The following CDH15 variants were observed in gnomAD, a reference collection of about 807,000 sequenced individuals.
CDH15 encodes cadherin 15.
A neutral mutation model predicts 69.4 loss-of-function variants in CDH15; 73 were observed. That is an observed-to-expected ratio of 1.05 (90% confidence interval 0.87 to 1.28). The LOEUF is 1.28. Ranked by LOEUF, CDH15 falls within the 50% of genes most tolerant of loss-of-function variation. CDH15 has a pLI of 0.00. For missense variants in CDH15, 1,343 were observed against 1,133.6 expected (o/e 1.18, Z -2.65); for synonymous variants, 624 against 507.7 (o/e 1.23, Z -3.08).
chr16:89,192,499 C>A, intron 11 of CDH15, 55 bp downstream of exon 11: 1 of 1,544,660 alleles, frequency 6.5e-7, no homozygotes, highest in South Asian at 1.2e-5. Context: ...CCCTCCTCCC[C>A]AGGCCGTCCC....
chr16:89,177,485 A>G (rs79341274), intron 1 of CDH15, among the ~76,000 whole-genome samples: 7,113 of 151,932 alleles, frequency 0.047, 291 homozygotes, highest in East Asian at 0.17. Context: ...TCCAGGGAGG[A>G]GGGTCACCCG....
In CDH15 at chr16:89,195,196, G is replaced by C. The variant is rs1915776424; in HGVS notation, c.*41G>C. 3.3e-6 allele frequency: 5 copies of C among 1,525,852 alleles called. No homozygotes were observed. The highest frequency in any genetic ancestry group is 4.4e-6 in the Non-Finnish European group (5 of 1,139,018). 94.5% of individuals were successfully genotyped at this position (1,525,852 alleles called of 1,614,324 possible). ...GGACATGCCACTCCCCGGCCTCGTG[G>C]CAGTGATGGCCCCTGCAGAGGCAGC... is the stretch of plus-strand genomic sequence containing the variant. On this transcript the variant is annotated 3_prime_UTR_variant, in exon 14 of 14. Transcript: ENST00000289746.
At chr16:89,189,139 G>GCACACACAGATGCC (rs1270747089) in intron 7 of CDH15, among the ~76,000 whole-genome samples, 61 of 118,058 alleles carry the variant, frequency 5.2e-4, no homozygotes, top group African/African-American at 1.9e-3. Context: ...AAAGATGCCG[G>GCACACACAGATGCC]CACACACAGA....
In CDH15 at chr16:89,192,795, C is replaced by G. The variant is rs191627741; in HGVS notation, c.1855+351C>G. 4.8e-4 allele frequency among the ~76,000 whole-genome samples: 6 copies of G among 12,542 alleles called. 2 individuals are homozygous for G. Among genetic ancestry groups the G allele is most frequent in the East Asian group, 7.7e-3 (1 of 130 alleles). The allele number at this position is 12,542 out of a possible 152,430, so 8.2% of individuals were successfully genotyped here. On this transcript the variant is annotated intron_variant, in intron 11 of 13. Coordinates refer to ENST00000289746, the MANE Select transcript of CDH15 (RefSeq NM_004933.3). ...TCCGCCTCCTCCCTAACCCCGCCCC[C>G]TCATTACCAGCCTCGCCGCTTCCTC...
intron 6 of CDH15, 127 bp from the exon 7 acceptor site, chr16:89,187,973 G>C: frequency 1.2e-6 from 1 of 866,798 alleles, no homozygotes; most frequent in Non-Finnish European, 1.8e-6. Flanking sequence ...ACAGGAGCAA[G>C]GGAGGGTGTT....
rs577570693 is a variant in CDH15, at chr16:89,192,395, C to G, written c.1806C>G (p.Leu602=). 2.5e-5 allele frequency: 38 copies of G among 1,539,596 alleles called. 1 individual carries two copies. The South Asian group carries it at 4.5e-4, about 18-fold the overall frequency. The stretch of plus-strand genomic sequence containing the variant: ...CGCTGCTGGCGGGGGGCACAGGCCT[C>G]AGCCTGGGCGCACTGGTCATCGTGC... ...AAALLAGGTG[L]SLGALVIVLA... is the part of the protein sequence containing the mutation. The change falls in exon 11 of 14, where the codon CTC becomes CTG. Residue 602 remains leucine, a synonymous_variant. Transcript: ENST00000289746.
intron 4 of CDH15, among the ~76,000 whole-genome samples, chr16:89,184,863 G>A (rs1915448247): frequency 6.6e-6 from 1 of 152,226 alleles, no homozygotes; most frequent in African/African-American, 2.4e-5. Flanking sequence ...ACCTGACCCA[G>A]GTCGCATCCA....
At chr16:89,186,027 C>A (rs963445782) in intron 5 of CDH15, 1 of 154,824 alleles carries the variant, frequency 6.5e-6, no homozygotes, top group Non-Finnish European at 1.4e-5. Context: ...AATGCTTACC[C>A]AGCGCACAGT....
At chr16:89,184,565 G>C (rs1186672418) in intron 4 of CDH15, among the ~76,000 whole-genome samples, 1 of 152,178 alleles carries the variant, frequency 6.6e-6, no homozygotes, top group Non-Finnish European at 1.5e-5. Flanking sequence ...TCCTCTGCTC[G>C]GCTGTCGTGT....
chr16:89,178,547 C>T (rs1046709087), intron 1 of CDH15, among the ~76,000 whole-genome samples: 2 of 152,152 alleles, frequency 1.3e-5, no homozygotes, highest in Non-Finnish European at 2.9e-5. Flanking sequence ...GCAGCCACAA[C>T]AAGCCCCACC....
At chr16:89,191,180 C>T (rs370636252) in intron 8 of CDH15, 150 bp from the exon 9 acceptor site, 64 of 838,884 alleles carry the variant, frequency 7.6e-5, no homozygotes, top group Middle Eastern at 2.3e-4. Context: ...GCTGTGTGTG[C>T]GTGTGTATAT....
Position 89,192,351 on chromosome 16 carries a change from T to G in CDH15, c.1762T>G (p.Cys588Gly). Reference sequence around the variant, plus strand: ...GTGCCGCTGCGGCAAGGACGGCGTCTGCCTGCCGGGGGCCGCAGCGCTGCT... The same window carrying G: ...GTGCCGCTGCGGCAAGGACGGCGTCGGCCTGCCGGGGGCCGCAGCGCTGCT... ...TVCRCGKDGVCLPGAAALLAG... is the reference protein window; with the variant it reads ...TVCRCGKDGVGLPGAAALLAG... The change falls in exon 11 of 14, where the codon TGC (cysteine) becomes GGC (glycine). Residue 588 changes from cysteine (C) to glycine (G), a missense_variant. Physicochemically the swap from Cys to Gly is radical, Grantham distance 159. Transcript: ENST00000289746. 6.5e-7 allele frequency: 1 copy of G among 1,536,718 alleles called. No homozygotes were observed. The highest frequency in any genetic ancestry group is 8.7e-7 in the Non-Finnish European group (1 of 1,147,778).
chr16:89,195,378 C>T lies in CDH15; in HGVS notation c.*223C>T, dbSNP rs933667001. 6.6e-5 allele frequency: 38 copies of T among 576,154 alleles called. No individual in the cohort carries two copies. The highest frequency in any genetic ancestry group is 1.1e-4 in the Non-Finnish European group (35 of 326,154). The allele number at this position is 576,154 out of a possible 1,614,324, so 35.7% of individuals were successfully genotyped here. Reference sequence around the variant, plus strand: ...AGAGTTTCTCTCCATCGGCCCCATGCGGGTCACCTCCCTAGTCCCACCTTT... The same window carrying T: ...AGAGTTTCTCTCCATCGGCCCCATGTGGGTCACCTCCCTAGTCCCACCTTT... On this transcript the variant is annotated 3_prime_UTR_variant, in exon 14 of 14. Transcript: ENST00000289746.
At chr16:89,179,902 G>A (rs539306599) in intron 2 of CDH15, among the ~76,000 whole-genome samples, 1 of 152,214 alleles carries the variant, frequency 6.6e-6, no homozygotes, top group South Asian at 2.1e-4. Flanking sequence ...GGAGGTGAAG[G>A]TGAACTGCCT....
chr16:89,189,907 T>C (rs918282019), intron 7 of CDH15, among the ~76,000 whole-genome samples: 46 of 152,204 alleles, frequency 3.0e-4, no homozygotes, highest in Non-Finnish European at 1.2e-4. Context: ...CCTGAGTGGA[T>C]AAAGCCAACC....
intron 7 of CDH15, among the ~76,000 whole-genome samples, chr16:89,189,357 C>CGGCACACACAGATGCT (rs1915587318): frequency 7.0e-6 from 1 of 142,216 alleles, no homozygotes; most frequent in South Asian, 2.3e-4. Flanking sequence ...ACACAGATGC[C>CGGCACACACAGATGCT]GGCACACACA....
rs114527374 is a variant in CDH15 at position 89,179,853 on chromosome 16, C to T, written c.201+279C>T. On this transcript the variant is annotated intron_variant, in intron 2 of 13. Coordinates refer to ENST00000289746, the MANE Select transcript of CDH15 (RefSeq NM_004933.3). Reference sequence around the variant, plus strand: ...CTCCACGTTAGGCTGCACGCTCGGGCGTGATTTTTGTGTGCGTGTTCGCCG... The same window carrying T: ...CTCCACGTTAGGCTGCACGCTCGGGTGTGATTTTTGTGTGCGTGTTCGCCG... Among the ~76,000 whole-genome samples, 563 of 152,362 alleles carry T rather than the reference C, an allele frequency of 3.7e-3. No homozygotes were observed. Among genetic ancestry groups the T allele is most frequent in the African/African-American group, 0.013 (529 of 41,588 alleles).
rs771655771 is a variant in CDH15 at position 89,188,270 on chromosome 16, T to C, written c.963T>C (p.Val321=). 6.2e-6 allele frequency: 10 copies of C among 1,613,358 alleles called. No homozygotes were observed. In the East Asian group the frequency reaches 1.8e-4, roughly 29 times the overall value. ...IRTDPKTNEG[V]LSIVKALDYE... ...CGGACCCCAAGACCAACGAGGGTGT[T>C]CTGTCCATTGTGAAGGTGAGCGGCC... The change falls in exon 7 of 14, where the codon GTT becomes GTC. Residue 321 remains valine (V), a synonymous_variant. Coordinates refer to ENST00000289746, the MANE Select transcript of CDH15 (RefSeq NM_004933.3).
intron 4 of CDH15, among the ~76,000 whole-genome samples, chr16:89,184,843 A>G (rs550845573): frequency 6.6e-6 from 1 of 152,314 alleles, no homozygotes; most frequent in African/African-American, 2.4e-5. Flanking sequence ...GGGCAGGCCC[A>G]GGAGCCAGCA....
Sources: allele counts gnomAD v4.1 joint callset (sites outside exome capture counted in the v4.1 genomes callset), GRCh38; gene constraint gnomAD v4.1.1; transcripts MANE v1.5; gene names NCBI Gene and HGNC (gene_info 2026-07-23, HGNC 2026-07-21).